Variants in VPS13B observed in about 807,000 individuals in gnomAD.
VPS13B encodes the protein vacuolar protein sorting 13 homolog B, also known as intermembrane lipid transfer protein VPS13B.
Under a neutral mutation model 426.4 loss-of-function variants are expected in VPS13B, and 285 were observed. That is an observed-to-expected ratio of 0.67 (90% CI 0.61 to 0.74). The LOEUF is 0.74. Among genes scored for constraint, VPS13B ranks in the 30% least tolerant of loss-of-function variants. VPS13B has a pLI of 0.00. For synonymous variants in VPS13B, 1,676 were observed against 1,676.4 expected (o/e 1.00, Z 0.01); for missense variants, 4,537 against 4,782.6 (o/e 0.95, Z 1.51).
chr8:99,734,846 T>G (rs1833758143), intron 39 of VPS13B, among the ~76,000 whole-genome samples: 1 of 152,082 alleles, frequency 6.6e-6, no homozygotes, highest in African/African-American at 2.4e-5. Flanking sequence ...TGCCCGGATG[T>G]GTATGGTAAT....
rs746731933 is a variant in VPS13B, at chr8:99,875,882, A to T, written c.*216A>T. On this transcript the variant is annotated 3_prime_UTR_variant, in exon 62 of 62. Transcript: ENST00000357162. ...CTGCATTTTTTTAAAAAGCCTAGGC[A>T]GCTCTAACATCATCTGATATGGACA... The T allele has an allele frequency of 7.2e-5, 43 of 597,640 alleles. No individual in the cohort carries two copies. Among genetic ancestry groups the T allele is most frequent in the Non-Finnish European group, 1.1e-4 (39 of 340,576 alleles). The allele number at this position is 597,640 out of a possible 1,614,324, so 37.0% of individuals were successfully genotyped here.
Position 99,823,862 on chromosome 8 carries a change from C to A in VPS13B, c.9214C>A (p.Gln3072Lys), listed in dbSNP as rs988802266. The part of the protein sequence containing the change: ...LCQFCISSMV[Q>K]QGIQIIQIED... ...TCAGTTCTGCATTTCCTCCATGGTACAGCAAGGTATACAAATTATTCAGAT... is the reference window on the plus strand; with the variant it reads ...TCAGTTCTGCATTTCCTCCATGGTAAAGCAAGGTATACAAATTATTCAGAT... The change falls in exon 51 of 62, where the codon CAG (glutamine) becomes AAG (lysine). Residue 3072 changes from glutamine (Q) to lysine (K), a missense_variant. Transcript: ENST00000357162. The A allele has an allele frequency of 1.2e-6, 2 of 1,613,470 alleles. No homozygotes were observed. The highest frequency in any genetic ancestry group is 1.7e-6 in the Non-Finnish European group (2 of 1,179,828).
intron 54 of VPS13B, among the ~76,000 whole-genome samples, chr8:99,847,938 G>C (rs1816064651): frequency 6.6e-6 from 1 of 152,136 alleles, no homozygotes; most frequent in Non-Finnish European, 1.5e-5. Context: ...TAATAACATA[G>C]GGCCCAGACT....
chr8:99,870,762 C>A, intron 59 of VPS13B, 23 bp from the exon 60 acceptor site: 1 of 1,609,068 alleles, frequency 6.2e-7, no homozygotes, highest in Non-Finnish European at 8.5e-7. Flanking sequence ...AGTAGTAAAA[C>A]TCCCTTACTT....
At chr8:99,261,578 C>T (rs747975105) in intron 17 of VPS13B, among the ~76,000 whole-genome samples, 5 of 152,056 alleles carry the variant, frequency 3.3e-5, no homozygotes, top group Non-Finnish European at 5.9e-5. Context: ...GGGTAGATAC[C>T]AAAGAGTGTG....
At chr8:99,700,866 A>G (rs1832245542) in intron 36 of VPS13B, among the ~76,000 whole-genome samples, 1 of 152,188 alleles carries the variant, frequency 6.6e-6, no homozygotes, top group East Asian at 1.9e-4. Flanking sequence ...CTGAAAGTAA[A>G]TGTAGCAAAA....
At chr8:99,158,279 A>T (rs78227917) in intron 15 of VPS13B, among the ~76,000 whole-genome samples, 4,112 of 152,286 alleles carry the variant, frequency 0.027, 173 homozygotes, top group African/African-American at 0.091. Context: ...TCATGCCTGT[A>T]ATCCCAGCTC....
intron 34 of VPS13B, among the ~76,000 whole-genome samples, chr8:99,652,225 C>G (rs887964498): frequency 1.3e-5 from 2 of 152,054 alleles, no homozygotes; most frequent in Non-Finnish European, 2.9e-5. Flanking sequence ...AAGTTTTAAT[C>G]CTGATTCTAC....
At chr8:99,635,396 G>A (rs1829029538) in intron 33 of VPS13B, among the ~76,000 whole-genome samples, 1 of 151,782 alleles carries the variant, frequency 6.6e-6, no homozygotes, top group South Asian at 2.1e-4. Context: ...TCAAGGAAAA[G>A]GTATGACTGT....
chr8:99,809,952 C>T (rs1813611935), intron 44 of VPS13B, among the ~76,000 whole-genome samples: 1 of 152,280 alleles, frequency 6.6e-6, no homozygotes. Context: ...TAAGGAAGTG[C>T]TGTGATACTC....
In VPS13B at chr8:99,592,515, T is replaced by C. The variant is rs918208543; in HGVS notation, c.5220+14882T>C. 5.3e-5 allele frequency among the ~76,000 whole-genome samples: 8 copies of C among 152,102 alleles called. No individual in the cohort carries two copies. In the East Asian group the frequency reaches 1.5e-3, roughly 29 times the overall value. The stretch of plus-strand genomic sequence containing the variant: ...GATGGGGTTTTGGTATGGATGTCCT[T>C]TTTGTTGACGTTGTTGCTATTCCTT... On this transcript the variant is annotated intron_variant, in intron 33 of 61. Transcript: ENST00000357162.
intron 39 of VPS13B, among the ~76,000 whole-genome samples, chr8:99,754,745 C>T (rs554735855): frequency 6.6e-6 from 1 of 152,258 alleles, no homozygotes; most frequent in Non-Finnish European, 1.5e-5. Flanking sequence ...ACCATCTTAA[C>T]ATTGTATAAG....
chr8:99,307,131 C>G (rs920901437), intron 19 of VPS13B, among the ~76,000 whole-genome samples: 1 of 152,064 alleles, frequency 6.6e-6, no homozygotes, highest in African/African-American at 2.4e-5. Flanking sequence ...CTCCAAAATT[C>G]ACCTGTTGTT....
chr8:99,247,091 G>A (rs1342302546), intron 17 of VPS13B, among the ~76,000 whole-genome samples: 1 of 152,032 alleles, frequency 6.6e-6, no homozygotes, highest in African/African-American at 2.4e-5. Flanking sequence ...GTAAATGTTC[G>A]TTAATTGACT....
intron 54 of VPS13B, among the ~76,000 whole-genome samples, chr8:99,836,669 C>T (rs1318167953): frequency 6.6e-6 from 1 of 152,108 alleles, no homozygotes; most frequent in African/African-American, 2.4e-5. Flanking sequence ...TTTATTAGTT[C>T]ATCTGGTCTT....
At chr8:99,528,794 G>GT (rs1468735186) in intron 30 of VPS13B, among the ~76,000 whole-genome samples, 9 of 151,998 alleles carry the variant, frequency 5.9e-5, no homozygotes, top group Non-Finnish European at 8.8e-5. Flanking sequence ...TTTCATTCAA[G>GT]TTTTTTTCTT....
intron 39 of VPS13B, among the ~76,000 whole-genome samples, chr8:99,742,188 T>C (rs1159226421): frequency 1.3e-5 from 2 of 152,200 alleles, no homozygotes; most frequent in Non-Finnish European, 1.5e-5. Flanking sequence ...CAGAGAATAC[T>C]ATAAACACCT....
At chr8:99,125,180 C>T (rs1434569189) in intron 8 of VPS13B, among the ~76,000 whole-genome samples, 1 of 152,134 alleles carries the variant, frequency 6.6e-6, no homozygotes, top group African/African-American at 2.4e-5. Context: ...ACCTCAAAAG[C>T]AGGGAAGCTG....
At chr8:99,121,742 A>T in intron 8 of VPS13B, 1 of 513,128 alleles carries the variant, frequency 1.9e-6, no homozygotes, top group Non-Finnish European at 2.8e-6. Context: ...TTGTCATTAA[A>T]AAAGAAAGGA....
Sources: gnomAD v4.1 joint callset for allele counts (sites outside exome capture counted in the v4.1 genomes callset) on GRCh38, gnomAD v4.1.1 for gene constraint, MANE v1.5 for transcripts, NCBI Gene and HGNC (gene_info 2026-07-23, HGNC 2026-07-21) for gene names.